HPGD: variants seen among roughly 807,000 people sequenced by gnomAD.
HPGD encodes the protein 15-hydroxyprostaglandin dehydrogenase [NAD(+)].
A neutral mutation model predicts 30.0 loss-of-function variants in HPGD; 29 were observed. The observed-to-expected ratio is 0.97, with a 90% confidence interval of 0.72 to 1.32. The LOEUF (loss-of-function observed/expected upper bound fraction) is 1.32, where lower values mean the gene tolerates loss of function less well. Ranked by LOEUF, HPGD falls within the 40% of genes most tolerant of loss-of-function variation. The pLI is 0.00. For missense variants in HPGD, 340 were observed against 322.1 expected (o/e 1.06, Z -0.43); for synonymous variants, 99 against 112.4 (o/e 0.88, Z 0.75).
chr4:174,508,666 T>A (rs749354221), intron 4 of HPGD, 30 bp downstream of exon 4: 2 of 1,203,948 alleles, frequency 1.7e-6, no homozygotes, highest in South Asian at 2.4e-5. Flanking sequence ...AGTAAGAAAA[T>A]GTTACATTTA....
rs370325851 is a variant in HPGD at position 174,522,381 on chromosome 4, G to T, written c.71C>A (p.Ala24Glu). 1.3e-6 allele frequency: 2 copies of T among 1,573,924 alleles called. No homozygotes were observed. Among genetic ancestry groups the T allele is most frequent in the East Asian group, 2.3e-5 (1 of 42,824 alleles). Residue 24 changes from alanine (A) to glutamate (E), a missense_variant, in exon 1 of 7, where the codon GCG becomes GAG. Coordinates refer to ENST00000296522, the MANE Select transcript of HPGD (RefSeq NM_000860.6). ...TACCTTGGCGCCCTTAAGCAGCAGC[G>T]CCTCTGCAAAGGCTCTGCCTATGCC... ...AQGIGRAFAE[A>E]LLLKGAKVAL...
Position 174,494,677 on chromosome 4 carries a change from T to G in HPGD, c.498+871A>C, listed in dbSNP as rs1306101690. On this transcript the variant is annotated intron_variant, in intron 5 of 6. Coordinates refer to ENST00000296522, the MANE Select transcript of HPGD (RefSeq NM_000860.6). The surrounding 1 kb of genome is among the most constrained non-coding windows in gnomAD (Gnocchi z 4.9). ...CTAATTCTTTGATTACTAATATTTT[T>G]CTCTTCATCTCTCTAGCTGCTCTCT... 2.0e-5 allele frequency among the ~76,000 whole-genome samples: 3 copies of G among 152,192 alleles called. No individual in the cohort carries two copies. Among genetic ancestry groups the G allele is most frequent in the Non-Finnish European group, 4.4e-5 (3 of 68,034 alleles).
intron 3 of HPGD, among the ~76,000 whole-genome samples, chr4:174,510,286 T>C (rs1735418178): frequency 6.6e-6 from 1 of 152,192 alleles, no homozygotes; most frequent in Non-Finnish European, 1.5e-5. Context: ...GTAAGTAGGC[T>C]TAGGGAGAAT....
chr4:174,509,330 A>G (rs1416474140), intron 3 of HPGD, among the ~76,000 whole-genome samples: 1 of 152,062 alleles, frequency 6.6e-6, no homozygotes, highest in African/African-American at 2.4e-5. Flanking sequence ...CCTCCTCTCC[A>G]TATAATACGA....
At chr4:174,507,873 A>G (rs1045574891) in intron 4 of HPGD, 4 of 468,762 alleles carry the variant, frequency 8.5e-6, no homozygotes, top group African/African-American at 7.6e-5. Flanking sequence ...CATGCTGTGG[A>G]AAAGATGATT....
chr4:174,510,040 A>G (rs1244425686), intron 3 of HPGD, among the ~76,000 whole-genome samples: 1 of 152,238 alleles, frequency 6.6e-6, no homozygotes, highest in African/African-American at 2.4e-5. Flanking sequence ...CTTTTTTGAC[A>G]TCTTAATTCC....
At chr4:174,505,552 C>A (rs1459304467) in intron 4 of HPGD, among the ~76,000 whole-genome samples, 9 of 152,286 alleles carry the variant, frequency 5.9e-5, no homozygotes, top group African/African-American at 2.2e-4. Flanking sequence ...TTTGCCTTCT[C>A]CCATTATTAC....
chr4:174,521,435 C>T (rs1192574751), intron 2 of HPGD, among the ~76,000 whole-genome samples: 1 of 152,108 alleles, frequency 6.6e-6, no homozygotes, highest in African/African-American at 2.4e-5. Context: ...AGTACTGTCT[C>T]ATTGGGGAAA....
intron 4 of HPGD, chr4:174,508,109 C>A (rs1192976585): frequency 2.8e-6 from 2 of 702,178 alleles, no homozygotes; most frequent in Non-Finnish European, 5.2e-6. Context: ...CTAAAGTAAC[C>A]CTGGGAGCTC....
rs779518493 is a variant in HPGD at position 174,491,975 on chromosome 4, A to T, written c.782T>A (p.Phe261Tyr). The T allele has an allele frequency of 3.7e-6, 6 of 1,612,362 alleles. No homozygotes were observed. The highest frequency in any genetic ancestry group is 5.1e-6 in the Non-Finnish European group (6 of 1,178,768). Residue 261 changes from phenylalanine (F) to tyrosine (Y), a missense_variant, in exon 7 of 7, where the codon TTT (phenylalanine) becomes TAT (tyrosine). By Grantham distance (22) the Phe-to-Tyr change is conservative. Coordinates refer to ENST00000296522, the MANE Select transcript of HPGD (RefSeq NM_000860.6). ...IHFQDYDTTPFQAKTQ is the reference protein window; with the variant it reads ...IHFQDYDTTPYQAKTQ ...AGCTGTTCATTGGGTTTTTGCTTGA[A>T]ATGGAGTTGTATCATAGTCTTGAAA... is the stretch of plus-strand genomic sequence containing the variant.
chr4:174,517,382 T>G lies in HPGD; in HGVS notation c.324+589A>C, dbSNP rs112458062. On this transcript the variant is annotated intron_variant, in intron 3 of 6. Transcript: ENST00000296522. ...TTTGTTTTCTGTTACATTCTAGCAT[T>G]TAATTAAGATTTACTTTTAAATAAA... is the stretch of plus-strand genomic sequence containing the variant. Among the ~76,000 whole-genome samples, 1,286 of 152,328 alleles carry G rather than the reference T, an allele frequency of 8.4e-3. 8 individuals are homozygous for G. Among genetic ancestry groups the G allele is most frequent in the Middle Eastern group, 0.024 (7 of 292 alleles).
rs1215281828 is a variant in HPGD, at chr4:174,494,358, T to A, written c.499-1044A>T. Reference sequence around the variant, plus strand: ...CCTCTATTTCCCCTAAAAGCAATGGTTCAGTAGTCACTAATGTAGTGTTTG... The same window carrying A: ...CCTCTATTTCCCCTAAAAGCAATGGATCAGTAGTCACTAATGTAGTGTTTG... On this transcript the variant is annotated intron_variant, in intron 5 of 6. Transcript: ENST00000296522. The surrounding 1 kb of genome is among the most constrained non-coding windows in gnomAD (Gnocchi z 4.9). Among the ~76,000 whole-genome samples the A allele has an allele frequency of 3.9e-5, 6 of 152,142 alleles. No homozygotes were observed. Among genetic ancestry groups the A allele is most frequent in the African/African-American group, 1.4e-4 (6 of 41,432 alleles).
intron 4 of HPGD, among the ~76,000 whole-genome samples, chr4:174,498,757 G>A (rs1279660145): frequency 6.6e-6 from 1 of 151,582 alleles, no homozygotes; most frequent in African/African-American, 2.4e-5. Context: ...GATTTTAACT[G>A]GTGCTTCTTA....
chr4:174,516,631 C>G (rs1036260295), intron 3 of HPGD, among the ~76,000 whole-genome samples: 1 of 151,644 alleles, frequency 6.6e-6, no homozygotes, highest in Non-Finnish European at 1.5e-5. Flanking sequence ...ACACCCTGAA[C>G]CTAAAATAAA....
chr4:174,515,331 C>T (rs964626609), intron 3 of HPGD, among the ~76,000 whole-genome samples: 1 of 152,114 alleles, frequency 6.6e-6, no homozygotes, highest in Non-Finnish European at 1.5e-5. Context: ...ACCAATGGAA[C>T]AGCATGGAGA....
intron 4 of HPGD, chr4:174,508,028 C>G (rs1440082090): frequency 3.0e-6 from 2 of 673,792 alleles, no homozygotes; most frequent in East Asian, 2.7e-5. Context: ...GGCTGGGGTT[C>G]TTAAAAGAGT....
intron 3 of HPGD, among the ~76,000 whole-genome samples, chr4:174,514,726 A>G (rs1326072114): frequency 6.6e-6 from 1 of 152,112 alleles, no homozygotes; most frequent in African/African-American, 2.4e-5. Context: ...AAGTCAAACT[A>G]TCTTTTTTTG....
chr4:174,497,949 C>T (rs930748572), intron 4 of HPGD, among the ~76,000 whole-genome samples: 2 of 149,354 alleles, frequency 1.3e-5, no homozygotes, highest in African/African-American at 4.9e-5. Flanking sequence ...TTCCTTTCTG[C>T]CCCCTTCTCT....
intron 2 of HPGD, among the ~76,000 whole-genome samples, chr4:174,520,549 G>T (rs961756483): frequency 1.3e-5 from 2 of 152,066 alleles, no homozygotes; most frequent in Admixed American, 6.6e-5. Flanking sequence ...ATGCCTTCCC[G>T]GGTCACTTAT....
Sources: gnomAD v4.1 joint callset for allele counts (sites outside exome capture counted in the v4.1 genomes callset) on GRCh38, gnomAD v4.1.1 for gene constraint, Gnocchi (gnomAD v3.1) non-coding constraint, MANE v1.5 for transcripts, NCBI Gene and HGNC (gene_info 2026-07-23, HGNC 2026-07-21) for gene names.